The following MBD4 variants were observed in gnomAD, a reference collection of about 807,000 sequenced individuals.
MBD4 encodes the protein methyl-CpG binding domain 4, DNA glycosylase.
A neutral mutation model predicts 60.2 loss-of-function variants in MBD4; 53 were observed. The ratio of observed to expected loss-of-function variants is 0.88; its 90% CI spans 0.71 to 1.11. The LOEUF (loss-of-function observed/expected upper bound fraction) is 1.11, where lower values mean the gene tolerates loss of function less well. Among genes scored for constraint, MBD4 ranks in the 50% least tolerant of loss-of-function variants. MBD4 has a pLI of 0.00. For missense variants in MBD4, 619 were observed against 674.0 expected, an observed-to-expected ratio of 0.92 and a Z score of 0.90; for synonymous variants, 231 against 229.8, an observed-to-expected ratio of 1.01 and a Z score of -0.05.
Position 129,433,971 on chromosome 3 carries a change from T to C in MBD4, c.1272A>G (p.Pro424=), listed in dbSNP as rs895290906. ...TCCATTTCTTAAAGGCTTTACGTCG[T>C]GGGGGGCTAAGAGCTAAACAAACAT... ...SKYNKEALSP[P]RRKAFKKWTP... Residue 424 remains proline, a synonymous_variant, in exon 5 of 8, where the codon CCA becomes CCG. Coordinates refer to ENST00000429544, the MANE Select transcript of MBD4 (RefSeq NM_001276270.2). The C allele has an allele frequency of 3.1e-6, 5 of 1,614,014 alleles. No homozygotes were observed. The African/African-American group carries it at 6.7e-5, about 22-fold the overall frequency.
intron 7 of MBD4, 156 bp downstream of exon 7, chr3:129,432,347 C>T: frequency 6.5e-7 from 1 of 1,531,530 alleles, no homozygotes; most frequent in Non-Finnish European, 8.7e-7. Context: ...TCAAAAACCC[C>T]AAAACCCACA....
In MBD4 at chr3:129,436,703, T is replaced by A; in HGVS notation, c.941A>T (p.Glu314Val). The change falls in exon 3 of 8, where the codon GAA becomes GTA. Residue 314 changes from glutamate (E) to valine (V), a missense_variant. By Grantham distance (121) the Glu-to-Val change is moderately radical. Coordinates refer to ENST00000429544, the MANE Select transcript of MBD4 (RefSeq NM_001276270.2). ...ATTTGATCCTGAACTCAATGATCTT[T>A]CTTTTTTTTTTACAAGGCTGTTTTC... is the stretch of plus-strand genomic sequence containing the variant. ...SEENSLVKKK[E>V]RSLSSGSNFC... The A allele has an allele frequency of 6.2e-7, 1 of 1,614,006 alleles. No individual in the cohort carries two copies. Among genetic ancestry groups the A allele is most frequent in the South Asian group, 1.1e-5 (1 of 91,080 alleles).
rs906226212 is a variant in MBD4, at chr3:129,431,145, C to T, written c.*356G>A. The T allele has an allele frequency of 5.2e-5, 14 of 269,020 alleles. No homozygotes were observed. In the East Asian group the frequency reaches 1.0e-3, roughly 20 times the overall value. The allele number at this position is 269,020 out of a possible 1,614,324, so 16.7% of individuals were successfully genotyped here. ...ACAGGCATGCACCACCACGCCTAGCCGATAAAAATATTTAGTGGGCCCCTA... is the reference window on the plus strand; with the variant it reads ...ACAGGCATGCACCACCACGCCTAGCTGATAAAAATATTTAGTGGGCCCCTA... On this transcript the variant is annotated 3_prime_UTR_variant, in exon 8 of 8. Coordinates refer to ENST00000429544, the MANE Select transcript of MBD4 (RefSeq NM_001276270.2).
At position 129,434,098 on chromosome 3, in the gene MBD4, T is replaced by G. The variant is rs202188508; in HGVS notation, c.1222A>C (p.Thr408Pro). ...TATTTGCTGGAAAAATACAGGCTTGTTTTCCTTCTTTCTATCTGTGTTCGT... is the reference window on the plus strand; with the variant it reads ...TATTTGCTGGAAAAATACAGGCTTGGTTTCCTTCTTTCTATCTGTGTTCGT... ...IPRTQIERRK[T>P]SLYFSSKYNK... Residue 408 changes from threonine to proline, a missense_variant, in exon 4 of 8, where the codon ACA becomes CCA. Coordinates refer to ENST00000429544, the MANE Select transcript of MBD4 (RefSeq NM_001276270.2). 2 of 1,614,112 alleles carry G rather than the reference T, an allele frequency of 1.2e-6. No individual in the cohort carries two copies. Among genetic ancestry groups the G allele is most frequent in the Admixed American group, 1.7e-5 (1 of 60,016 alleles).
intron 7 of MBD4, chr3:129,432,086 G>A: frequency 2.2e-6 from 2 of 912,980 alleles, no homozygotes; most frequent in Non-Finnish European, 2.7e-6. Context: ...CAACAGGGCT[G>A]AAGCAGGACC....
chr3:129,431,253 T>C lies in MBD4; in HGVS notation c.*248A>G. 1 of 467,156 alleles carries C rather than the reference T, an allele frequency of 2.1e-6. No individual in the cohort carries two copies. The highest frequency in any genetic ancestry group is 3.8e-6 in the Non-Finnish European group (1 of 260,908). 28.9% of individuals were successfully genotyped at this position (467,156 alleles called of 1,614,324 possible). On this transcript the variant is annotated 3_prime_UTR_variant, in exon 8 of 8. Transcript: ENST00000429544. ...TCATCTTCTGATTATATTTCATCAT[T>C]GGAAAAGCCGTATTTTTTTTGGATT...
intron 3 of MBD4, 59 bp from the exon 4 acceptor site, chr3:129,434,195 G>C (rs766351948): frequency 9.3e-6 from 12 of 1,291,872 alleles, no homozygotes; most frequent in Non-Finnish European, 1.3e-5. Context: ...GCAATATTGA[G>C]GGATGCAAAT....
In MBD4 at chr3:129,437,877, C is replaced by A; in HGVS notation, c.178G>T (p.Glu60Ter). The change falls in exon 2 of 8, where the codon GAA becomes TAA. Residue 60 changes from glutamate to a stop codon, truncating the protein, a stop_gained. Transcript: ENST00000429544. LOFTEE classifies it high-confidence loss of function. Reference sequence around the variant, plus strand: ...GGTTCTTGTAGCAAGGGATTACATTCACTGCTTCTTTTTATCATCATTTGT... The same window carrying A: ...GGTTCTTGTAGCAAGGGATTACATTAACTGCTTCTTTTTATCATCATTTGT... ...EEQMMIKRSS[E>*]CNPLLQEPIA... 6.2e-7 allele frequency: 1 copy of A among 1,614,098 alleles called. No individual in the cohort carries two copies. Among genetic ancestry groups the A allele is most frequent in the South Asian group, 1.1e-5 (1 of 91,072 alleles).
Position 129,439,757 on chromosome 3 carries a change from A to C in MBD4, c.77T>G (p.Leu26Arg). ...GAGGTCATTCGGCGGGTCTGGGACT[A>C]GGCGCTCACTAGAGGTGACGGTGGG... ...AAPTVTSSER[L>R]VPDPPNDLRK... The change falls in exon 1 of 8, where the codon CTA becomes CGA. Residue 26 changes from leucine (L) to arginine (R), a missense_variant. By Grantham distance (102) the Leu-to-Arg change is moderately radical. Coordinates refer to ENST00000429544, the MANE Select transcript of MBD4 (RefSeq NM_001276270.2). The C allele has an allele frequency of 6.2e-7, 1 of 1,601,672 alleles. No individual in the cohort carries two copies. The highest frequency in any genetic ancestry group is 1.7e-4 in the Middle Eastern group (1 of 6,040).
chr3:129,438,864 G>C (rs1419498144), intron 1 of MBD4, among the ~76,000 whole-genome samples: 1 of 152,084 alleles, frequency 6.6e-6, no homozygotes, highest in African/African-American at 2.4e-5. Flanking sequence ...AGTCCGGCAG[G>C]TCAAGGCTTC....
rs745717478 is a variant in MBD4 at position 129,431,460 on chromosome 3, G to A, written c.*41C>T. The A allele has an allele frequency of 4.0e-6, 6 of 1,510,186 alleles. No homozygotes were observed. In the South Asian group the frequency reaches 6.7e-5, roughly 17 times the overall value. The allele number at this position is 1,510,186 out of a possible 1,614,324, so 93.5% of individuals were successfully genotyped here. On this transcript the variant is annotated 3_prime_UTR_variant, in exon 8 of 8. Transcript: ENST00000429544. ...GTACTTAATTAAGCTTTTTTGAAGT[G>A]CAAAGCTATGCATAACAGATGAGCT...
At chr3:129,435,530 A>G (rs2072442312) in intron 3 of MBD4, among the ~76,000 whole-genome samples, 1 of 152,234 alleles carries the variant, frequency 6.6e-6, no homozygotes, top group Admixed American at 6.5e-5. Flanking sequence ...ACAGACTTGA[A>G]GAATTCTTAT....
intron 7 of MBD4, 142 bp downstream of exon 7, chr3:129,432,361 C>T (rs1559797417): frequency 2.6e-6 from 4 of 1,548,042 alleles, no homozygotes; most frequent in East Asian, 2.4e-5. Context: ...ACCCACATGC[C>T]ACCCGCTTCC....
rs1476010735 is a variant in MBD4, at chr3:129,436,451, A to AT, written c.1183+9dup. On this transcript the variant is annotated intron_variant, in intron 3 of 7. Coordinates refer to ENST00000429544, the MANE Select transcript of MBD4 (RefSeq NM_001276270.2). ...TTGAAAGCACTGGATACCTTGAAATATTTTCTCACCAGTGAAGTCTTTCCT... is the reference window on the plus strand; with the variant it reads ...TTGAAAGCACTGGATACCTTGAAATATTTTTCTCACCAGTGAAGTCTTTCCT... 2 of 1,613,770 alleles carry AT rather than the reference A, an allele frequency of 1.2e-6. 1 individual carries two copies. Among genetic ancestry groups the AT allele is most frequent in the South Asian group, 2.2e-5 (2 of 91,072 alleles).
intron 7 of MBD4, 117 bp from the exon 8 acceptor site, chr3:129,431,695 C>G: frequency 1.3e-6 from 1 of 762,440 alleles, no homozygotes; most frequent in Non-Finnish European, 2.3e-6. Context: ...GATACCATAC[C>G]TAAAAGTTAT....
Position 129,436,453 on chromosome 3 carries a change from T to C in MBD4, c.1183+8A>G. 2 of 1,613,884 alleles carry C rather than the reference T, an allele frequency of 1.2e-6. No individual in the cohort carries two copies. Among genetic ancestry groups the C allele is most frequent in the Non-Finnish European group, 1.7e-6 (2 of 1,179,978 alleles). Reference sequence around the variant, plus strand: ...GAAAGCACTGGATACCTTGAAATATTTTCTCACCAGTGAAGTCTTTCCTGG... The same window carrying C: ...GAAAGCACTGGATACCTTGAAATATCTTCTCACCAGTGAAGTCTTTCCTGG... On this transcript the variant is annotated splice_region_variant and intron_variant, in intron 3 of 7. Coordinates refer to ENST00000429544, the MANE Select transcript of MBD4 (RefSeq NM_001276270.2).
rs1490549675 is a variant in MBD4 at position 129,431,159 on chromosome 3, A to G, written c.*342T>C. 3.7e-6 allele frequency: 1 copy of G among 271,080 alleles called. No individual in the cohort carries two copies. Among genetic ancestry groups the G allele is most frequent in the Admixed American group, 5.1e-5 (1 of 19,526 alleles). 16.8% of individuals were successfully genotyped at this position (271,080 alleles called of 1,614,324 possible). A position where few individuals can be genotyped will look rare whatever the true frequency, so the allele number is the denominator to read the frequency against. ...CCACGCCTAGCCGATAAAAATATTTAGTGGGCCCCTAGCTTTAGCAAGGCT... is the reference window on the plus strand; with the variant it reads ...CCACGCCTAGCCGATAAAAATATTTGGTGGGCCCCTAGCTTTAGCAAGGCT... On this transcript the variant is annotated 3_prime_UTR_variant, in exon 8 of 8. Coordinates refer to ENST00000429544, the MANE Select transcript of MBD4 (RefSeq NM_001276270.2).
At position 129,433,961 on chromosome 3, in the gene MBD4, C is replaced by A; in HGVS notation, c.1282G>T (p.Ala428Ser). 1 of 1,614,154 alleles carries A rather than the reference C, an allele frequency of 6.2e-7. No homozygotes were observed. The highest frequency in any genetic ancestry group is 8.5e-7 in the Non-Finnish European group (1 of 1,180,000). The change falls in exon 5 of 8, where the codon GCC becomes TCC. Residue 428 changes from alanine to serine, a missense_variant. Coordinates refer to ENST00000429544, the MANE Select transcript of MBD4 (RefSeq NM_001276270.2). ...KEALSPPRRK[A>S]FKKWTPPRSP... ...CGAGGAGGTGTCCATTTCTTAAAGG[C>A]TTTACGTCGTGGGGGGCTAAGAGCT...
intron 7 of MBD4, chr3:129,432,206 A>C: frequency 7.1e-7 from 1 of 1,406,466 alleles, no homozygotes; most frequent in Non-Finnish European, 9.2e-7. Context: ...CAGGAGGAAA[A>C]CCACGTCAGG....
Sources: gnomAD v4.1 joint callset for allele counts (sites outside exome capture counted in the v4.1 genomes callset) on GRCh38, gnomAD v4.1.1 for gene constraint, MANE v1.5 for transcripts, NCBI Gene and HGNC (gene_info 2026-07-23, HGNC 2026-07-21) for gene names.